Variants in RBM33 observed in about 807,000 individuals in gnomAD.
RBM33 encodes the protein RNA binding motif protein 33, also known as RNA-binding protein 33.
A neutral mutation model predicts 132.6 loss-of-function variants in RBM33; 28 were observed. The ratio of observed to expected loss-of-function variants is 0.21; its 90% confidence interval spans 0.16 to 0.29. The LOEUF (loss-of-function observed/expected upper bound fraction) is 0.29, where lower values mean the gene tolerates loss of function less well. Among genes scored for constraint, RBM33 ranks in the 10% least tolerant of loss-of-function variants. The pLI, the probability that RBM33 is intolerant of heterozygous loss-of-function variation, is 1.00. For missense variants in RBM33, 1,291 were observed against 1,518.5 expected, an observed-to-expected ratio of 0.85 and a Z score of 2.49; for synonymous variants, 634 against 593.0, an observed-to-expected ratio of 1.07 and a Z score of -1.01.
In RBM33 at chr7:155,711,371, AC is replaced by A; in HGVS notation, c.1121del (p.Pro374ArgfsTer4). ...GCTAGAGACCCCAAGGATGATGATG[AC>A]CCCGCCACCCGTGACTCCACAGCAG... ...PQLETPRMMM[T>X]PPPVTPQQPK... On this transcript the variant is annotated frameshift_variant, in exon 8 of 18. Transcript: ENST00000401878. LOFTEE classifies it high-confidence loss of function. 1 of 1,586,388 alleles carries A rather than the reference AC, an allele frequency of 6.3e-7. No homozygotes were observed.
At chr7:155,732,521 T>C (rs1390761449) in intron 9 of RBM33, among the ~76,000 whole-genome samples, 5 of 152,244 alleles carry the variant, frequency 3.3e-5, no homozygotes, top group African/African-American at 1.2e-4. Flanking sequence ...GCTGACGGCT[T>C]GTCAGCCCAT....
intron 8 of RBM33, 80 bp downstream of exon 8, chr7:155,711,535 C>T (rs556827499): frequency 3.2e-5 from 29 of 902,244 alleles, no homozygotes; most frequent in Admixed American, 2.5e-4. Context: ...TCCACTGACG[C>T]GTTTTTGACT....
At chr7:155,759,250 A>G (rs1001529631) in intron 14 of RBM33, among the ~76,000 whole-genome samples, 3 of 152,200 alleles carry the variant, frequency 2.0e-5, no homozygotes, top group African/African-American at 7.2e-5. Context: ...TACTTAAAAA[A>G]TAAACTTTCC....
chr7:155,652,407 A>T (rs1798379984), intron 1 of RBM33, among the ~76,000 whole-genome samples: 1 of 152,214 alleles, frequency 6.6e-6, no homozygotes, highest in Admixed American at 6.5e-5. Context: ...TTGGGCAGAA[A>T]CAGGTGGCAG....
At chr7:155,738,444 G>A in intron 11 of RBM33, 41 bp downstream of exon 11, 1 of 1,532,180 alleles carries the variant, frequency 6.5e-7, no homozygotes, top group Non-Finnish European at 8.9e-7. Context: ...AAAATGTGTA[G>A]CTTCAAGGCT....
In RBM33 at chr7:155,711,494, C is replaced by T. The variant is rs186227955; in HGVS notation, c.1201+39C>T. ...TTTACTATTGTAAAGCATAGATGGCCCCAGCTTCCAATGGTTTGACTTAGG... is the reference window on the plus strand; with the variant it reads ...TTTACTATTGTAAAGCATAGATGGCTCCAGCTTCCAATGGTTTGACTTAGG... On this transcript the variant is annotated intron_variant, in intron 8 of 17. Coordinates refer to ENST00000401878, the MANE Select transcript of RBM33 (RefSeq NM_053043.3). The T allele has an allele frequency of 1.1e-3, 1,358 of 1,288,468 alleles. 1 individual carries two copies. Among genetic ancestry groups the T allele is most frequent in the Admixed American group, 2.3e-3 (59 of 25,286 alleles). The allele number at this position is 1,288,468 out of a possible 1,614,324, so 79.8% of individuals were successfully genotyped here. A position where few individuals can be genotyped will look rare whatever the true frequency, so the allele number is the denominator to read the frequency against.
chr7:155,744,514 G>C (rs965467142), intron 13 of RBM33, among the ~76,000 whole-genome samples: 1 of 152,118 alleles, frequency 6.6e-6, no homozygotes, highest in East Asian at 1.9e-4. Flanking sequence ...TTGAGATCAG[G>C]CTGAAAATTC....
intron 9 of RBM33, among the ~76,000 whole-genome samples, chr7:155,735,277 CTT>C (rs1487401870): frequency 1.3e-5 from 2 of 152,196 alleles, no homozygotes; most frequent in East Asian, 1.9e-4. Flanking sequence ...GAGGAAAAAA[CTT>C]TGGCAGTGGG....
At chr7:155,667,508 AT>A (rs1271682197) in intron 2 of RBM33, among the ~76,000 whole-genome samples, 5 of 152,214 alleles carry the variant, frequency 3.3e-5, no homozygotes, top group African/African-American at 1.2e-4. Context: ...CTGATTCAAG[AT>A]TCAATTCAGG....
rs1432324848 is a variant in RBM33, at chr7:155,718,431, C to T, written c.1248C>T (p.Pro416=). ...VPSQPRPAVG[P]QRFPGPPEFP... ...GCCAGCCGAGACCTGCCGTGGGACCCCAGAGATTCCCAGTGAGTAGCAGCT... is the reference window on the plus strand; with the variant it reads ...GCCAGCCGAGACCTGCCGTGGGACCTCAGAGATTCCCAGTGAGTAGCAGCT... Residue 416 remains proline (P), a synonymous_variant, in exon 9 of 18, where the codon CCC becomes CCT. Transcript: ENST00000401878. The T allele has an allele frequency of 3.0e-5, 48 of 1,613,652 alleles. No individual in the cohort carries two copies. Among genetic ancestry groups the T allele is most frequent in the Non-Finnish European group, 3.9e-5 (46 of 1,179,788 alleles).
intron 14 of RBM33, among the ~76,000 whole-genome samples, chr7:155,748,221 A>AT (rs1220730979): frequency 2.6e-5 from 4 of 152,284 alleles, no homozygotes; most frequent in South Asian, 4.1e-4. Flanking sequence ...CGCGTTTCCC[A>AT]TTTTTTCTAA....
intron 6 of RBM33, chr7:155,701,215 C>G: frequency 1.9e-6 from 1 of 519,072 alleles, no homozygotes; most frequent in Non-Finnish European, 3.4e-6. Context: ...TACAGCTGCT[C>G]TTGTACATGC....
rs201127157 is a variant in RBM33 at position 155,773,568 on chromosome 7, CAAAAAAAAAAA to C, written c.3376-974_3376-964del. 1.7e-3 allele frequency among the ~76,000 whole-genome samples: 88 copies of C among 50,478 alleles called. 1 individual carries two copies. The highest frequency in any genetic ancestry group is 4.3e-3 in the African/African-American group (51 of 11,988). 33.1% of individuals were successfully genotyped at this position (50,478 alleles called of 152,430 possible). A position where few individuals can be genotyped will look rare whatever the true frequency, so the allele number is the denominator to read the frequency against. Reference sequence around the variant, plus strand: ...AGGCAACAGTGCGAGACTCCATCTCCAAAAAAAAAAAAAAAAAAAAAAAAAAAGGAGTCAGG... The same window carrying C: ...AGGCAACAGTGCGAGACTCCATCTCCAAAAAAAAAAAAAAAAGGAGTCAGG... On this transcript the variant is annotated intron_variant, in intron 16 of 17. Transcript: ENST00000401878.
At chr7:155,664,511 A>T (rs1177872274) in intron 1 of RBM33, among the ~76,000 whole-genome samples, 1 of 151,634 alleles carries the variant, frequency 6.6e-6, no homozygotes, top group Non-Finnish European at 1.5e-5. Context: ...CCTCAAGCTG[A>T]TCCATCCGCT....
At chr7:155,652,651 C>G (rs1305508347) in intron 1 of RBM33, among the ~76,000 whole-genome samples, 1 of 152,104 alleles carries the variant, frequency 6.6e-6, no homozygotes, top group Non-Finnish European at 1.5e-5. Flanking sequence ...AAATTGATCC[C>G]CCTATTAAAA....
chr7:155,704,329 C>T (rs1014761259), intron 6 of RBM33, among the ~76,000 whole-genome samples: 1 of 152,120 alleles, frequency 6.6e-6, no homozygotes, highest in Non-Finnish European at 1.5e-5. Context: ...ATTTGAGTGA[C>T]AGTGTTCTCG....
At chr7:155,660,645 G>A (rs1288484653) in intron 1 of RBM33, among the ~76,000 whole-genome samples, 1 of 152,156 alleles carries the variant, frequency 6.6e-6, no homozygotes, top group East Asian at 1.9e-4. Flanking sequence ...AGTCATTTTT[G>A]TCTTGGTGCT....
chr7:155,757,087 T>C (rs1801876111), intron 14 of RBM33, among the ~76,000 whole-genome samples: 1 of 151,974 alleles, frequency 6.6e-6, no homozygotes, highest in Non-Finnish European at 1.5e-5. Context: ...GAAATGAAAA[T>C]TTTCTCAAAA....
intron 16 of RBM33, among the ~76,000 whole-genome samples, chr7:155,769,203 A>G (rs1263061400): frequency 1.3e-5 from 2 of 152,154 alleles, no homozygotes; most frequent in Non-Finnish European, 2.9e-5. Context: ...TTCTTCGAAG[A>G]CTAGATATTT....
Sources: allele counts gnomAD v4.1 joint callset (sites outside exome capture counted in the v4.1 genomes callset), GRCh38; gene constraint gnomAD v4.1.1; transcripts MANE v1.5; gene names NCBI Gene and HGNC (gene_info 2026-07-23, HGNC 2026-07-21).